STX10: variants seen among roughly 807,000 people sequenced by gnomAD.
STX10 encodes the protein syntaxin-10.
A neutral mutation model predicts 34.1 loss-of-function variants in STX10; 35 were observed. The ratio of observed to expected loss-of-function variants is 1.03; its 90% confidence interval spans 0.78 to 1.36. STX10 has a LOEUF of 1.36. Ranked by LOEUF, STX10 falls within the 40% of genes most tolerant of loss-of-function variation. The pLI, the probability that STX10 is intolerant of heterozygous loss-of-function variation, is 0.00. For synonymous variants in STX10, 155 were observed against 132.9 expected (o/e 1.17, Z -1.15); for missense variants, 361 against 335.5 (o/e 1.08, Z -0.59).
At position 13,144,399 on chromosome 19, in the gene STX10, G is replaced by T; in HGVS notation, c.*11C>A. ...AGGCTTAAGGGACCAGCCTGCCAGG[G>T]AGGGCTGGGGTCAGAGAGAGAATAG... On this transcript the variant is annotated 3_prime_UTR_variant, in exon 8 of 8. Transcript: ENST00000587230. 1.2e-6 allele frequency: 2 copies of T among 1,605,164 alleles called. No individual in the cohort carries two copies. The highest frequency in any genetic ancestry group is 1.7e-6 in the Non-Finnish European group (2 of 1,176,828).
At chr19:13,148,901 A>G in intron 4 of STX10, 128 bp downstream of exon 4, 6 of 706,330 alleles carry the variant, frequency 8.5e-6, no homozygotes, top group Admixed American at 7.3e-5. Context: ...GCAGGTAGAC[A>G]GCAAGAAGAT....
rs372648707 is a variant in STX10 at position 13,144,397 on chromosome 19, G to C, written c.*13C>G. ...CCAGGCTTAAGGGACCAGCCTGCCA[G>C]GGAGGGCTGGGGTCAGAGAGAGAAT... On this transcript the variant is annotated 3_prime_UTR_variant, in exon 8 of 8. Coordinates refer to ENST00000587230, the MANE Select transcript of STX10 (RefSeq NM_003765.3). 48 of 1,604,484 alleles carry C rather than the reference G, an allele frequency of 3.0e-5. No homozygotes were observed. The highest frequency in any genetic ancestry group is 4.1e-5 in the Non-Finnish European group (48 of 1,176,552).
At position 13,150,266 on chromosome 19, in the gene STX10, G is replaced by GC; in HGVS notation, c.-94dup. 1 of 657,316 alleles carries GC rather than the reference G, an allele frequency of 1.5e-6. No individual in the cohort carries two copies. 40.7% of individuals were successfully genotyped at this position (657,316 alleles called of 1,614,324 possible). On this transcript the variant is annotated 5_prime_UTR_variant, in exon 1 of 8. Transcript: ENST00000587230. The surrounding 1 kb of genome is among the most constrained non-coding windows in gnomAD (Gnocchi z 4.0). The stretch of plus-strand genomic sequence containing the variant: ...CCGAGGAGAACGCGCCGCCACCCCC[G>GC]CCCCCGTCACGCCACCATCGAGAGC...
In STX10 at chr19:13,149,719, C is replaced by G. The variant is rs767161947; in HGVS notation, c.205+9G>C. On this transcript the variant is annotated intron_variant, in intron 2 of 7. Coordinates refer to ENST00000587230, the MANE Select transcript of STX10 (RefSeq NM_003765.3). ...CCATGCCACCCTCTGCCACAAAGCC[C>G]CAGGATATCGATGGTCTCTTCCAGG... 2.5e-6 allele frequency: 4 copies of G among 1,612,766 alleles called. No individual in the cohort carries two copies. Among genetic ancestry groups the G allele is most frequent in the Non-Finnish European group, 3.4e-6 (4 of 1,178,848 alleles).
chr19:13,145,585 C>T (rs1244447082), intron 4 of STX10, among the ~76,000 whole-genome samples, 190 bp from the exon 5 acceptor site: 1 of 152,140 alleles, frequency 6.6e-6, no homozygotes, highest in Non-Finnish European at 1.5e-5. Flanking sequence ...TCAGTTTCCT[C>T]ATCTGTAAAA....
chr19:13,144,728 A>C (rs2019856742), intron 6 of STX10, 36 bp downstream of exon 6: 1 of 1,612,904 alleles, frequency 6.2e-7, no homozygotes, highest in African/African-American at 1.3e-5. Flanking sequence ...AGGGTGGCCG[A>C]GAGCCCCTGG....
chr19:13,144,319 G>A lies in STX10; in HGVS notation c.*91C>T, dbSNP rs1600011579. 1 of 1,523,586 alleles carries A rather than the reference G, an allele frequency of 6.6e-7. No homozygotes were observed. Among genetic ancestry groups the A allele is most frequent in the East Asian group, 2.4e-5 (1 of 41,868 alleles). 94.4% of individuals were successfully genotyped at this position (1,523,586 alleles called of 1,614,324 possible). ...CCCTCTACTCTCCAGCTACCCAGGAGGGACCCTCTCCTCCTAGGGGGCGAG... is the reference window on the plus strand; with the variant it reads ...CCCTCTACTCTCCAGCTACCCAGGAAGGACCCTCTCCTCCTAGGGGGCGAG... On this transcript the variant is annotated 3_prime_UTR_variant, in exon 8 of 8. Coordinates refer to ENST00000587230, the MANE Select transcript of STX10 (RefSeq NM_003765.3).
rs1408995897 is a variant in STX10 at position 13,145,340 on chromosome 19, C to A, written c.419G>T (p.Ser140Ile). ...GTAGCGAGATGTGGCCGAGACTGCG[C>A]TGGCATCCAGCAGGTCGCTGGGTGA... is the stretch of plus-strand genomic sequence containing the variant. ...QKSPSDLLDA[S>I]AVSATSRYIE... Residue 140 changes from serine (S) to isoleucine (I), a missense_variant, in exon 5 of 8, where the codon AGC (serine) becomes ATC (isoleucine). Transcript: ENST00000587230. The A allele has an allele frequency of 1.9e-6, 3 of 1,611,854 alleles. No homozygotes were observed. The East Asian group carries it at 6.7e-5, about 36-fold the overall frequency.
intron 5 of STX10, 53 bp downstream of exon 5, chr19:13,145,235 G>A: frequency 6.6e-7 from 1 of 1,523,202 alleles, no homozygotes. Context: ...CCAGACCTCA[G>A]ATCAGTCTGC....
intron 4 of STX10, among the ~76,000 whole-genome samples, chr19:13,147,431 C>T (rs1388247700): frequency 2.0e-5 from 3 of 151,778 alleles, no homozygotes; most frequent in African/African-American, 7.3e-5. Flanking sequence ...CACCACTGCA[C>T]CCCAGCCTGG....
rs748222612 is a variant in STX10, at chr19:13,144,411, CAGAG to C, written c.745_748del (p.Leu249AspfsTer38). The C allele has an allele frequency of 6.2e-7, 1 of 1,608,790 alleles. No individual in the cohort carries two copies. Among genetic ancestry groups the C allele is most frequent in the South Asian group, 1.1e-5 (1 of 89,850 alleles). On this transcript the variant is annotated frameshift_variant and stop_lost, in exon 8 of 8. Coordinates refer to ENST00000587230, the MANE Select transcript of STX10 (RefSeq NM_003765.3). LOFTEE classifies it high-confidence loss of function. ...CCAGCCTGCCAGGGAGGGCTGGGGT[CAGAG>C]AGAGAATAGTAAGATGAGAACGAGG...
rs745426682 is a variant in STX10 at position 13,150,150 on chromosome 19, A to G, written c.24T>C (p.Phe8=). The G allele has an allele frequency of 1.7e-6, 2 of 1,177,886 alleles. No homozygotes were observed. Among genetic ancestry groups the G allele is most frequent in the Middle Eastern group, 1.9e-4 (1 of 5,246 alleles). The allele number at this position is 1,177,886 out of a possible 1,614,324, so 73.0% of individuals were successfully genotyped here. Residue 8 remains phenylalanine (F), a synonymous_variant, in exon 1 of 8, where the codon TTT becomes TTC. Coordinates refer to ENST00000587230, the MANE Select transcript of STX10 (RefSeq NM_003765.3). This position sits in a 1 kb window ranked among gnomAD's most constrained non-coding sequence, Gnocchi z 4.0. The part of the protein sequence containing the change: MSLEDPF[F]VVRGEVQKAV... ...TCGTTGTCACTCACCCTCGGACTAC[A>G]AAAAAGGGGTCTTCGAGAGACATGT...
chr19:13,148,785 C>T (rs1053880828), intron 4 of STX10, among the ~76,000 whole-genome samples: 5 of 152,106 alleles, frequency 3.3e-5, no homozygotes, highest in African/African-American at 1.2e-4. Context: ...GCCCCCAGCC[C>T]TCTCCTGCAA....
chr19:13,147,868 T>C (rs1425861831), intron 4 of STX10, among the ~76,000 whole-genome samples: 1 of 120,596 alleles, frequency 8.3e-6, no homozygotes, highest in Non-Finnish European at 1.6e-5. Flanking sequence ...CACTCCAGCC[T>C]GGGCGACAGA....
At position 13,149,859 on chromosome 19, in the gene STX10, T is replaced by C. The variant is rs1180186128; in HGVS notation, c.74A>G (p.Tyr25Cys). The change falls in exon 2 of 8, where the codon TAC (tyrosine) becomes TGC (cysteine). Residue 25 changes from tyrosine to cysteine, a missense_variant. Transcript: ENST00000587230. ...QKAVNTARGLYQRWCELLQES... is the reference protein window; with the variant it reads ...QKAVNTARGLCQRWCELLQES... ...CTGCAGGAGCTCGCACCAGCGCTGG[T>C]ACAGCCCGCGGGCCGTGTTCACCGC... 1.2e-6 allele frequency: 2 copies of C among 1,611,272 alleles called. No homozygotes were observed. Among genetic ancestry groups the C allele is most frequent in the South Asian group, 2.2e-5 (2 of 90,846 alleles).
At chr19:13,147,184 G>C (rs2019919827) in intron 4 of STX10, among the ~76,000 whole-genome samples, 1 of 151,688 alleles carries the variant, frequency 6.6e-6, no homozygotes, top group South Asian at 2.1e-4. Context: ...ACACTCAGAG[G>C]CCAAGTGCAC....
chr19:13,147,076 A>AG (rs2019915421), intron 4 of STX10, among the ~76,000 whole-genome samples: 1 of 88,340 alleles, frequency 1.1e-5, no homozygotes, highest in African/African-American at 5.0e-5. Context: ...GGAGAAACAC[A>AG]GAAACACACA....
chr19:13,144,564 T>C lies in STX10; in HGVS notation c.673+13A>G, dbSNP rs1217611438. The C allele has an allele frequency of 1.2e-6, 2 of 1,613,972 alleles. No homozygotes were observed. The highest frequency in any genetic ancestry group is 1.3e-5 in the African/African-American group (1 of 74,926). ...CCCCCACCAGGACTGACCCCTCCCC[T>C]GAGGGGACTCACCACTCGTCATGTG... On this transcript the variant is annotated intron_variant, in intron 7 of 7. Transcript: ENST00000587230.
intron 5 of STX10, 112 bp downstream of exon 5, chr19:13,145,176 G>A: frequency 9.6e-7 from 1 of 1,038,534 alleles, no homozygotes; most frequent in African/African-American, 1.6e-5. Context: ...TCCAGCCTGG[G>A]CGACAAAGCG....
Sources: allele counts gnomAD v4.1 joint callset (sites outside exome capture counted in the v4.1 genomes callset), GRCh38; gene constraint gnomAD v4.1.1; non-coding constraint Gnocchi (gnomAD v3.1); transcripts MANE v1.5; gene names NCBI Gene and HGNC (gene_info 2026-07-23, HGNC 2026-07-21).